ZNF773: variants seen among roughly 807,000 people sequenced by gnomAD.
ZNF773 encodes the protein zinc finger protein 419B.
A neutral mutation model predicts 12.8 loss-of-function variants in ZNF773; 11 were observed. The ratio of observed to expected loss-of-function variants is 0.86; its 90% CI spans 0.54 to 1.42. ZNF773 has a LOEUF of 1.42. ZNF773 is among the 40% of genes most tolerant of loss of function. ZNF773 has a pLI of 0.00. For synonymous variants in ZNF773, 175 were observed against 178.4 expected, an observed-to-expected ratio of 0.98 and a Z score of 0.15; for missense variants, 518 against 527.2, an observed-to-expected ratio of 0.98 and a Z score of 0.17.
At chr19:57,502,011 C>T (rs527240321) in intron 1 of ZNF773, among the ~76,000 whole-genome samples, 7 of 152,232 alleles carry the variant, frequency 4.6e-5, no homozygotes, top group East Asian at 1.9e-4. Context: ...GGTACAATCT[C>T]GGCTCACCGC....
At position 57,507,276 on chromosome 19, in the gene ZNF773, G is replaced by T. The variant is rs373115086; in HGVS notation, c.1181G>T (p.Arg394Ile). Residue 394 changes from arginine to isoleucine, a missense_variant, in exon 4 of 4, where the codon AGA (arginine) becomes ATA (isoleucine). Arg to Ile is a moderately conservative substitution (Grantham distance 97). Coordinates refer to ENST00000282292, the MANE Select transcript of ZNF773 (RefSeq NM_198542.3). ...CCTTTTAAGTGCAATGAATGTGGGA[G>T]ATTCTTTAGTGAGAATTCCAGCCTT... ...EKPFKCNECGRFFSENSSLVK... is the reference protein window; with the variant it reads ...EKPFKCNECGIFFSENSSLVK... 23 of 1,611,178 alleles carry T rather than the reference G, an allele frequency of 1.4e-5. No individual in the cohort carries two copies. Among genetic ancestry groups the T allele is most frequent in the Non-Finnish European group, 2.0e-5 (23 of 1,178,078 alleles).
In ZNF773 at chr19:57,508,227, A is replaced by C; in HGVS notation, c.*803A>C. On this transcript the variant is annotated 3_prime_UTR_variant, in exon 4 of 4. Coordinates refer to ENST00000282292, the MANE Select transcript of ZNF773 (RefSeq NM_198542.3). ...CTGGCAATTGAACATCATTCATCCA[A>C]ATATGCACACTGGAGGCAGGATGAG... The C allele has an allele frequency of 8.7e-7, 1 of 1,151,346 alleles. No individual in the cohort carries two copies. Among genetic ancestry groups the C allele is most frequent in the Non-Finnish European group, 1.1e-6 (1 of 936,686 alleles). 71.3% of individuals were successfully genotyped at this position (1,151,346 alleles called of 1,614,324 possible). A position where few individuals can be genotyped will look rare whatever the true frequency, so the allele number is the denominator to read the frequency against.
chr19:57,500,007 T>G lies in ZNF773; in HGVS notation c.-74T>G, dbSNP rs190821966. On this transcript the variant is annotated 5_prime_UTR_variant, in exon 1 of 4. Transcript: ENST00000282292. The stretch of plus-strand genomic sequence containing the variant: ...TGTGTTCTCGCAGCTCAGAGGCGGG[T>G]CTGAGGCTCGGTGGCGGCGCCCAGG... 4 of 1,519,168 alleles carry G rather than the reference T, an allele frequency of 2.6e-6. No homozygotes were observed. Among genetic ancestry groups the G allele is most frequent in the East Asian group, 2.5e-5 (1 of 40,098 alleles). The allele number at this position is 1,519,168 out of a possible 1,614,324, so 94.1% of individuals were successfully genotyped here.
chr19:57,512,943 A>T, downstream of ZNF773: 1 of 1,429,140 alleles, frequency 7.0e-7, no homozygotes, highest in Non-Finnish European at 9.2e-7. Flanking sequence ...CTTGTTCCCT[A>T]GAAGCAAGGA....
chr19:57,513,274 G>A, downstream of ZNF773: 1 of 431,116 alleles, frequency 2.3e-6, no homozygotes, highest in Non-Finnish European at 3.8e-6. Flanking sequence ...AAACAATCTG[G>A]TGCTCAGGTT....
Position 57,507,372 on chromosome 19 carries a change from A to G in ZNF773, c.1277A>G (p.His426Arg). 7 of 1,612,826 alleles carry G rather than the reference A, an allele frequency of 4.3e-6. No individual in the cohort carries two copies. Among genetic ancestry groups the G allele is most frequent in the Non-Finnish European group, 5.9e-6 (7 of 1,179,582 alleles). Residue 426 changes from histidine to arginine, a missense_variant, in exon 4 of 4, where the codon CAC (histidine) becomes CGC (arginine). His to Arg is a conservative substitution (Grantham distance 29, BLOSUM62 0). Transcript: ENST00000282292. The stretch of plus-strand genomic sequence containing the variant: ...AGGGAATGTGGGAAATTTTTTCGCC[A>G]CAGCTCCAGTCTTGTTAAACATCGA... ...ECRECGKFFR[H>R]SSSLVKHRRI...
intron 1 of ZNF773, among the ~76,000 whole-genome samples, chr19:57,501,985 C>T (rs1053547906): frequency 6.6e-6 from 1 of 152,144 alleles, no homozygotes; most frequent in Non-Finnish European, 1.5e-5. Flanking sequence ...TCTTGTTGCC[C>T]AGGCTGGAGT....
Position 57,507,688 on chromosome 19 carries a change from A to G in ZNF773, c.*264A>G, listed in dbSNP as rs1248526526. 3 of 1,258,500 alleles carry G rather than the reference A, an allele frequency of 2.4e-6. 1 individual carries two copies. In the Middle Eastern group the frequency reaches 9.2e-4, roughly 387 times the overall value. The allele number at this position is 1,258,500 out of a possible 1,614,324, so 78.0% of individuals were successfully genotyped here. A position where few individuals can be genotyped will look rare whatever the true frequency, so the allele number is the denominator to read the frequency against. On this transcript the variant is annotated 3_prime_UTR_variant, in exon 4 of 4. Transcript: ENST00000282292. ...ATCAATATGACCTGACTTAAAGCAG[A>G]AACAGCCAGGCGTGGTGGCTGACAC...
downstream of ZNF773, among the ~76,000 whole-genome samples, chr19:57,512,627 A>G (rs4801230): frequency 0.58 from 88,649 of 151,808 alleles, 26,160 homozygotes; most frequent in East Asian, 0.72. Context: ...GTTGGAGGTC[A>G]AAAGAATTAG....
downstream of ZNF773, among the ~76,000 whole-genome samples, chr19:57,511,419 T>C (rs1229700868): frequency 1.3e-5 from 2 of 152,058 alleles, no homozygotes; most frequent in Non-Finnish European, 2.9e-5. Flanking sequence ...GTACGGTAAT[T>C]GAGAGAGTAA....
chr19:57,510,858 A>G (rs2089788610), downstream of ZNF773, among the ~76,000 whole-genome samples: 1 of 152,030 alleles, frequency 6.6e-6, no homozygotes, highest in Admixed American at 6.5e-5. Flanking sequence ...AAATGACACA[A>G]GAAGTTCCTG....
In ZNF773 at chr19:57,506,727, G is replaced by T. The variant is rs200003774; in HGVS notation, c.632G>T (p.Arg211Ile). ...AAATATTTACTTGTTCAGCACCAGA[G>T]ACTGCACACTGGGGAAAAGCCTTAT... ...GQKYLLVQHQRLHTGEKPYEC... is the reference protein window; with the variant it reads ...GQKYLLVQHQILHTGEKPYEC... Residue 211 changes from arginine to isoleucine, a missense_variant, in exon 4 of 4, where the codon AGA becomes ATA. Transcript: ENST00000282292. The T allele has an allele frequency of 1.1e-4, 179 of 1,614,260 alleles. No homozygotes were observed. In the East Asian group the frequency reaches 3.9e-3, roughly 35 times the overall value.
At chr19:57,509,954 T>C (rs2089782075), downstream of ZNF773, among the ~76,000 whole-genome samples, 2 of 152,188 alleles carry the variant, frequency 1.3e-5, no homozygotes, top group African/African-American at 2.4e-5. Context: ...ATGAAAGTTA[T>C]CATTAACAGG....
At chr19:57,508,861 C>G (rs1479652365), downstream of ZNF773, among the ~76,000 whole-genome samples, 1 of 151,940 alleles carries the variant, frequency 6.6e-6, no homozygotes, top group Non-Finnish European at 1.5e-5. Flanking sequence ...TATTTTTTGC[C>G]TGTTTTTTTA....
chr19:57,516,673 T>TAATCACTATTAATATTACTGGTGTAG (rs2089834101), downstream of ZNF773: 1 of 152,212 alleles, frequency 6.6e-6, no homozygotes, highest in East Asian at 1.9e-4. Context: ...ACTGGTGTAG[T>TAATCACTATTAATATTACTGGTGTAG]TACTAATCAC....
downstream of ZNF773, among the ~76,000 whole-genome samples, chr19:57,511,870 A>T (rs567619137): frequency 2.2e-4 from 21 of 95,576 alleles, 1 homozygote; most frequent in African/African-American, 5.6e-4. Context: ...CAGCATAGAT[A>T]AAAAAAAGCC....
downstream of ZNF773, chr19:57,516,032 G>A (rs2089829658): frequency 6.5e-6 from 1 of 153,538 alleles, no homozygotes; most frequent in Non-Finnish European, 1.5e-5. Context: ...ATGGGGACGA[G>A]GGTTTGCTTG....
chr19:57,514,903 C>G (rs1049237728), downstream of ZNF773: 2 of 152,224 alleles, frequency 1.3e-5, no homozygotes, highest in Non-Finnish European at 2.9e-5. Context: ...TCACTCATCA[C>G]AAGCCTATTC....
rs773474104 is a variant in ZNF773 at position 57,507,386 on chromosome 19, G to T, written c.1291G>T (p.Val431Phe). 4.7e-5 allele frequency: 75 copies of T among 1,609,188 alleles called. No homozygotes were observed. The highest frequency in any genetic ancestry group is 6.3e-5 in the Non-Finnish European group (74 of 1,178,160). Residue 431 changes from valine to phenylalanine, a missense_variant, in exon 4 of 4, where the codon GTT becomes TTT. Physicochemically the swap from Val to Phe is conservative, Grantham distance 50. Transcript: ENST00000282292. ...GKFFRHSSSL[V>F]KHRRIHTGEI... Reference sequence around the variant, plus strand: ...ATTTTTTCGCCACAGCTCCAGTCTTGTTAAACATCGAAGGATTCACACTGG... The same window carrying T: ...ATTTTTTCGCCACAGCTCCAGTCTTTTTAAACATCGAAGGATTCACACTGG...
Sources: allele counts gnomAD v4.1 joint callset (sites outside exome capture counted in the v4.1 genomes callset), GRCh38; gene constraint gnomAD v4.1.1; transcripts MANE v1.5; gene names NCBI Gene and HGNC (gene_info 2026-07-23, HGNC 2026-07-21).